GDAP1: variants seen among roughly 807,000 people sequenced by gnomAD.
The protein encoded by GDAP1 is ganglioside-induced differentiation-associated protein 1.
In GDAP1, 34 loss-of-function variants were observed where a neutral mutation model predicts 40.1. The observed-to-expected ratio is 0.85, with a 90% confidence interval of 0.64 to 1.13. GDAP1 has a LOEUF of 1.13. GDAP1 is among the 50% of genes most tolerant of loss of function. The pLI, the probability that GDAP1 is intolerant of heterozygous loss-of-function variation, is 0.00. For missense variants in GDAP1, 374 were observed against 433.7 expected (o/e 0.86, Z 1.22); for synonymous variants, 170 against 157.4 (o/e 1.08, Z -0.60).
At chr8:74,488,711 C>T (rs980221023) in exon 3 of GDAP1, 5 of 152,206 alleles carry the variant, frequency 3.3e-5, no homozygotes, top group Admixed American at 3.3e-4. Flanking sequence ...GGAAGAACAG[C>T]TCACCTGGTG....
intron 2 of GDAP1, among the ~76,000 whole-genome samples, chr8:74,423,971 G>T (rs547285306): frequency 1.9e-4 from 29 of 152,230 alleles, no homozygotes; most frequent in African/African-American, 6.7e-4. Context: ...TGCAACCCTG[G>T]AATGTTTTCT....
chr8:74,444,305 C>G (rs370998313), intron 2 of GDAP1, among the ~76,000 whole-genome samples: 1 of 151,306 alleles, frequency 6.6e-6, no homozygotes, highest in Non-Finnish European at 1.5e-5. Flanking sequence ...AGAGAAGATA[C>G]GTTAAACATA....
At chr8:74,477,967 G>A (rs554516526) in intron 2 of GDAP1, among the ~76,000 whole-genome samples, 1 of 152,290 alleles carries the variant, frequency 6.6e-6, no homozygotes, top group South Asian at 2.1e-4. Context: ...ATAGAGGCAG[G>A]GCACTAGTGG....
chr8:74,402,795 A>C (rs1810370908), intron 2 of GDAP1, among the ~76,000 whole-genome samples: 1 of 150,396 alleles, frequency 6.6e-6, no homozygotes, highest in Non-Finnish European at 1.5e-5. Context: ...AAAAATCTTA[A>C]AGTTAACCTG....
At chr8:74,417,660 G>C (rs973243213) in intron 2 of GDAP1, among the ~76,000 whole-genome samples, 4 of 148,276 alleles carry the variant, frequency 2.7e-5, no homozygotes, top group African/African-American at 1.0e-4. Flanking sequence ...GGGAGGCCAA[G>C]GCAGGAGAAT....
chr8:74,411,222 C>T (rs1167397641), intron 2 of GDAP1, among the ~76,000 whole-genome samples: 1 of 150,030 alleles, frequency 6.7e-6, no homozygotes, highest in Non-Finnish European at 1.5e-5. Flanking sequence ...ATTGCCCAGT[C>T]TCAGGTAGTA....
rs1309093739 is a variant in GDAP1, at chr8:74,364,127, T to C, written c.837T>C (p.Tyr279=). 2 of 1,614,180 alleles carry C rather than the reference T, an allele frequency of 1.2e-6. No homozygotes were observed. The highest frequency in any genetic ancestry group is 1.7e-6 in the Non-Finnish European group (2 of 1,180,020). ...GAAAGCGACCAAACTTGGAAACCTA[T>C]TACGAGCGTGTCTTGAAGAGAAAAA... is the stretch of plus-strand genomic sequence containing the variant. ...GNGKRPNLET[Y]YERVLKRKTF... Residue 279 remains tyrosine (Y), a synonymous_variant, in exon 6 of 6, where the codon TAT becomes TAC. Coordinates refer to ENST00000220822, the MANE Select transcript of GDAP1 (RefSeq NM_018972.4).
chr8:74,427,080 G>A (rs1805957075), intron 2 of GDAP1, among the ~76,000 whole-genome samples: 2 of 152,172 alleles, frequency 1.3e-5, no homozygotes, highest in African/African-American at 4.8e-5. Context: ...CAGCAAATGT[G>A]CTGCAAACAG....
intron 2 of GDAP1, among the ~76,000 whole-genome samples, chr8:74,405,467 T>C (rs1805626781): frequency 6.7e-6 from 1 of 150,148 alleles, no homozygotes; most frequent in African/African-American, 2.5e-5. Flanking sequence ...CTGAAGGTGG[T>C]TGCATCAATG....
intron 2 of GDAP1, among the ~76,000 whole-genome samples, chr8:74,425,099 A>G (rs1349220403): frequency 6.6e-6 from 1 of 152,144 alleles, no homozygotes; most frequent in African/African-American, 2.4e-5. Flanking sequence ...AGGCACACAC[A>G]TTTGGTTTGG....
At chr8:74,456,505 T>G (rs1806337745) in intron 2 of GDAP1, among the ~76,000 whole-genome samples, 1 of 151,944 alleles carries the variant, frequency 6.6e-6, no homozygotes, top group Admixed American at 6.6e-5. Context: ...GACCCCTTAA[T>G]AGAAAAATTC....
chr8:74,362,312 C>T (rs1049787854), intron 4 of GDAP1, among the ~76,000 whole-genome samples: 54 of 152,288 alleles, frequency 3.5e-4, no homozygotes, highest in African/African-American at 1.1e-3. Flanking sequence ...CTCCATGTGT[C>T]GCCCTGACTT....
chr8:74,435,496 A>C (rs768317620), intron 2 of GDAP1, among the ~76,000 whole-genome samples: 3 of 152,202 alleles, frequency 2.0e-5, no homozygotes, highest in Non-Finnish European at 4.4e-5. Flanking sequence ...AAATAAGAAG[A>C]AGCTTGAATA....
At chr8:74,446,971 G>A in intron 2 of GDAP1, among the ~76,000 whole-genome samples, 1 of 152,140 alleles carries the variant, frequency 6.6e-6, no homozygotes, top group African/African-American at 2.4e-5. Flanking sequence ...AAATGTTCTG[G>A]AGTTAGTGGT....
intron 2 of GDAP1, 89 bp from the exon 3 acceptor site, chr8:74,360,048 A>T (rs1480617965): frequency 1.1e-5 from 9 of 814,064 alleles, no homozygotes; most frequent in Non-Finnish European, 1.9e-5. Flanking sequence ...GAAAATGTTA[A>T]TGATGAGTGG....
intron 2 of GDAP1, among the ~76,000 whole-genome samples, chr8:74,386,144 G>T (rs968759928): frequency 2.0e-5 from 3 of 152,116 alleles, no homozygotes; most frequent in Non-Finnish European, 2.9e-5. Flanking sequence ...TAGGTTTCCT[G>T]TTCAGTCTGA....
intron 2 of GDAP1, among the ~76,000 whole-genome samples, chr8:74,409,179 G>A (rs977140370): frequency 6.0e-5 from 9 of 150,004 alleles, no homozygotes; most frequent in Admixed American, 3.3e-4. Context: ...AGTTAGTTTC[G>A]TTTAATGTTC....
chr8:74,381,652 AG>A (rs1809955372), intron 2 of GDAP1, among the ~76,000 whole-genome samples: 1 of 151,754 alleles, frequency 6.6e-6, no homozygotes, highest in South Asian at 2.1e-4. Context: ...GCTACTCGGG[AG>A]GCTGAGGCAG....
intron 2 of GDAP1, among the ~76,000 whole-genome samples, chr8:74,474,054 T>G (rs1806595452): frequency 6.6e-6 from 1 of 152,206 alleles, no homozygotes; most frequent in African/African-American, 2.4e-5. Flanking sequence ...TTATTCTCTT[T>G]GTGGCAATTG....
Sources: allele counts gnomAD v4.1 joint callset (sites outside exome capture counted in the v4.1 genomes callset), GRCh38; gene constraint gnomAD v4.1.1; transcripts MANE v1.5; gene names NCBI Gene and HGNC (gene_info 2026-07-23, HGNC 2026-07-21).